Variants in PIK3CG observed in about 807,000 individuals in gnomAD.
PIK3CG encodes phosphatidylinositol-4,5-bisphosphate 3-kinase catalytic subunit gamma.
PIK3CG carries 55 observed loss-of-function variants against 102.3 expected under a neutral mutation model. The observed-to-expected ratio is 0.54, with a 90% CI of 0.43 to 0.67. PIK3CG has a LOEUF of 0.67. Among genes scored for constraint, PIK3CG ranks in the 30% least tolerant of loss-of-function variants. PIK3CG has a pLI of 0.00. For synonymous variants in PIK3CG, 552 were observed against 540.0 expected, an observed-to-expected ratio of 1.02 and a Z score of -0.31; for missense variants, 1,258 against 1,391.8, an observed-to-expected ratio of 0.90 and a Z score of 1.53.
At chr7:106,873,276 G>T (rs186237664) in intron 4 of PIK3CG, among the ~76,000 whole-genome samples, 2 of 152,132 alleles carry the variant, frequency 1.3e-5, no homozygotes, top group East Asian at 1.9e-4. Flanking sequence ...TGCACATACA[G>T]TTTTCAAGTT....
At position 106,890,999 on chromosome 7, in the gene PIK3CG, G is replaced by T. The variant is rs999834116; in HGVS notation, c.3030+4707G>T. On this transcript the variant is annotated intron_variant, in intron 10 of 10. Coordinates refer to ENST00000496166, the MANE Select transcript of PIK3CG (RefSeq NM_001282426.2). This position sits in a 1 kb window ranked among gnomAD's most constrained non-coding sequence, Gnocchi z 4.2. ...TACCCTTTGCCACAGTCCCCTGCCA[G>T]GTCCTTCATTGCATGTATCACAAAA... Among the ~76,000 whole-genome samples, 3 of 152,228 alleles carry T rather than the reference G, an allele frequency of 2.0e-5. No individual in the cohort carries two copies. The highest frequency in any genetic ancestry group is 2.9e-5 in the Non-Finnish European group (2 of 68,046).
Position 106,869,342 on chromosome 7 carries a change from G to T in PIK3CG, c.1781G>T (p.Ser594Ile), listed in dbSNP as rs1212528123. The change falls in exon 2 of 11, where the codon AGT becomes ATT. Residue 594 changes from serine to isoleucine, a missense_variant. Ser to Ile is a moderately radical substitution (Grantham distance 142). Transcript: ENST00000496166. The surrounding 1 kb of genome is among the most constrained non-coding windows in gnomAD (Gnocchi z 5.3). ...KHPKAYPKLF[S>I]SVKWGQQEIV... is the part of the protein sequence containing the mutation. ...CCAAAAGCATATCCTAAGCTATTTA[G>T]TTCAGTGAAATGGGGACAGCAAGAA... 5 of 1,614,254 alleles carry T rather than the reference G, an allele frequency of 3.1e-6. No homozygotes were observed. The highest frequency in any genetic ancestry group is 4.2e-6 in the Non-Finnish European group (5 of 1,180,042).
chr7:106,885,475 G>A (rs934577355), intron 9 of PIK3CG, among the ~76,000 whole-genome samples: 6 of 152,148 alleles, frequency 3.9e-5, no homozygotes, highest in African/African-American at 1.4e-4. Context: ...CATTTTAAGA[G>A]TAGAGTCTGG....
In PIK3CG at chr7:106,869,436, G is replaced by T. The variant is rs903994309; in HGVS notation, c.1875G>T (p.Gly625=). The change falls in exon 2 of 11, where the codon GGG becomes GGT. Residue 625 remains glycine, a synonymous_variant. Transcript: ENST00000496166. The surrounding 1 kb of genome is among the most constrained non-coding windows in gnomAD (Gnocchi z 5.3). ...GGGATCAAAGTGCTTTGGATGTTGG[G>T]TTAACAATGCAGCTCCTGGACTGCA... is the stretch of plus-strand genomic sequence containing the variant. ...EVWDQSALDV[G]LTMQLLDCNF... 1.6e-5 allele frequency: 26 copies of T among 1,614,094 alleles called. No homozygotes were observed. Among genetic ancestry groups the T allele is most frequent in the Non-Finnish European group, 2.2e-5 (26 of 1,180,038 alleles).
At chr7:106,882,737 T>A (rs1790976472) in intron 7 of PIK3CG, 1 of 256,118 alleles carries the variant, frequency 3.9e-6, no homozygotes, top group Non-Finnish European at 7.3e-6. Flanking sequence ...GATTGCCATC[T>A]GAGGAAGGAT....
chr7:106,865,549 G>A (rs1790249493), intron 1 of PIK3CG, 123 bp downstream of exon 1: 1 of 152,184 alleles, frequency 6.6e-6, no homozygotes, highest in Non-Finnish European at 1.5e-5. Context: ...CCGAATGTCT[G>A]TGTTTCATTG....
At chr7:106,873,847 T>C (rs1790627219) in intron 4 of PIK3CG, among the ~76,000 whole-genome samples, 2 of 152,194 alleles carry the variant, frequency 1.3e-5, no homozygotes, top group South Asian at 2.1e-4. Flanking sequence ...AATTAATCAC[T>C]CCTTCTCTGT....
chr7:106,882,978 T>C (rs1790987319), intron 7 of PIK3CG, 55 bp from the exon 8 acceptor site: 1 of 1,398,588 alleles, frequency 7.2e-7, no homozygotes, highest in South Asian at 1.2e-5. Context: ...CCTTTCCTCC[T>C]CTGGGCCAGG....
In PIK3CG at chr7:106,884,720, C is replaced by T. The variant is rs1791035685; in HGVS notation, c.2872+454C>T. On this transcript the variant is annotated intron_variant, in intron 9 of 10. Coordinates refer to ENST00000496166, the MANE Select transcript of PIK3CG (RefSeq NM_001282426.2). This position sits in a 1 kb window ranked among gnomAD's most constrained non-coding sequence, Gnocchi z 4.2. The stretch of plus-strand genomic sequence containing the variant: ...TATTGCACACTTTTTTTTCAACTCA[C>T]TTGCCACTATAAAGCCTGCCACCAG... Among the ~76,000 whole-genome samples the T allele has an allele frequency of 1.3e-5, 2 of 152,128 alleles. No homozygotes were observed. The highest frequency in any genetic ancestry group is 4.8e-5 in the African/African-American group (2 of 41,414).
chr7:106,896,909 T>C (rs1245499972), intron 10 of PIK3CG, among the ~76,000 whole-genome samples: 2 of 152,156 alleles, frequency 1.3e-5, no homozygotes, highest in African/African-American at 4.8e-5. Flanking sequence ...TCAATTATCA[T>C]TGCAGTTACC....
Position 106,869,625 on chromosome 7 carries a change from CCATT to C in PIK3CG, c.1995+72_1995+75del. 2.3e-6 allele frequency: 3 copies of C among 1,294,736 alleles called. No individual in the cohort carries two copies. The highest frequency in any genetic ancestry group is 2.5e-5 in the East Asian group (1 of 39,588). 80.2% of individuals were successfully genotyped at this position (1,294,736 alleles called of 1,614,324 possible). A position where few individuals can be genotyped will look rare whatever the true frequency, so the allele number is the denominator to read the frequency against. The stretch of plus-strand genomic sequence containing the variant: ...ATTGATTTGCATATGCACAGGCACT[CCATT>C]CAGTTGTCATCAAATGCCCTTTGTT... On this transcript the variant is annotated intron_variant, in intron 2 of 10. Transcript: ENST00000496166. The surrounding 1 kb of genome is among the most constrained non-coding windows in gnomAD (Gnocchi z 5.3).
In PIK3CG at chr7:106,879,484, T is replaced by C. The variant is rs1457858460; in HGVS notation, c.2392-35T>C. 1 of 1,577,286 alleles carries C rather than the reference T, an allele frequency of 6.3e-7. No homozygotes were observed. The highest frequency in any genetic ancestry group is 8.7e-7 in the Non-Finnish European group (1 of 1,147,340). ...CTCCACCATGTATATTCGTTATTCA[T>C]TGTGTGTGGGGAATATGTGACTGCT... On this transcript the variant is annotated intron_variant, in intron 5 of 10. Transcript: ENST00000496166. This position sits in a 1 kb window ranked among gnomAD's most constrained non-coding sequence, Gnocchi z 4.9.
chr7:106,872,466 C>T lies in PIK3CG; in HGVS notation c.1996-71C>T, dbSNP rs1201840027. ...CCAGTAAAGCAGAGCACCAGTTCTTCTCCATTTCCTTTTCCCTGATTCAAC... is the reference window on the plus strand; with the variant it reads ...CCAGTAAAGCAGAGCACCAGTTCTTTTCCATTTCCTTTTCCCTGATTCAAC... On this transcript the variant is annotated intron_variant, in intron 2 of 10. Transcript: ENST00000496166. The surrounding 1 kb of genome is among the most constrained non-coding windows in gnomAD (Gnocchi z 5.3). 1.7e-6 allele frequency: 2 copies of T among 1,197,656 alleles called. No individual in the cohort carries two copies. Among genetic ancestry groups the T allele is most frequent in the African/African-American group, 3.0e-5 (2 of 67,320 alleles). The allele number at this position is 1,197,656 out of a possible 1,614,324, so 74.2% of individuals were successfully genotyped here. A position where few individuals can be genotyped will look rare whatever the true frequency, so the allele number is the denominator to read the frequency against.
chr7:106,873,114 C>T (rs966121452), intron 4 of PIK3CG, among the ~76,000 whole-genome samples, 176 bp downstream of exon 4: 1 of 152,136 alleles, frequency 6.6e-6, no homozygotes, highest in African/African-American at 2.4e-5. Flanking sequence ...TCTCCTTTTA[C>T]AAGTTCATAA....
At chr7:106,887,829 G>A (rs1236361329) in intron 10 of PIK3CG, among the ~76,000 whole-genome samples, 8 of 151,904 alleles carry the variant, frequency 5.3e-5, no homozygotes, top group Admixed American at 3.9e-4. Flanking sequence ...TCCTGTCAGC[G>A]GGGTTCATCT....
rs1253537745 is a variant in PIK3CG, at chr7:106,908,574, G to A, written c.*3187G>A. Among the ~76,000 whole-genome samples, 2 of 152,184 alleles carry A rather than the reference G, an allele frequency of 1.3e-5. No individual in the cohort carries two copies. Among genetic ancestry groups the A allele is most frequent in the Admixed American group, 1.3e-4 (2 of 15,274 alleles). ...GACACTTTGATGAAAGTATGGAGAA[G>A]TGGAGACATTATAGATAAAATATAT... On this transcript the variant is annotated 3_prime_UTR_variant, in exon 11 of 11. Coordinates refer to ENST00000496166, the MANE Select transcript of PIK3CG (RefSeq NM_001282426.2). This position sits in a 1 kb window ranked among gnomAD's most constrained non-coding sequence, Gnocchi z 4.1.
chr7:106,906,990 A>G lies in PIK3CG; in HGVS notation c.*1603A>G, dbSNP rs1427021973. 9.2e-6 allele frequency: 2 copies of G among 216,566 alleles called. No homozygotes were observed. Among genetic ancestry groups the G allele is most frequent in the East Asian group, 1.4e-4 (2 of 14,754 alleles). The allele number at this position is 216,566 out of a possible 1,614,324, so 13.4% of individuals were successfully genotyped here. A position where few individuals can be genotyped will look rare whatever the true frequency, so the allele number is the denominator to read the frequency against. ...AAAAAAATTAGCTGGGTATAGTGGTATGTGCCTGTAGTCCCAGGTACTCAG... is the reference window on the plus strand; with the variant it reads ...AAAAAAATTAGCTGGGTATAGTGGTGTGTGCCTGTAGTCCCAGGTACTCAG... On this transcript the variant is annotated 3_prime_UTR_variant, in exon 11 of 11. Transcript: ENST00000496166.
In PIK3CG at chr7:106,877,343, C is replaced by G. The variant is rs903882246; in HGVS notation, c.2392-2176C>G. ...CTATTGGCATCTAGTGGGTAGAGGCCAGGGATGCTGCCAAATACCCTGCAG... is the reference window on the plus strand; with the variant it reads ...CTATTGGCATCTAGTGGGTAGAGGCGAGGGATGCTGCCAAATACCCTGCAG... On this transcript the variant is annotated intron_variant, in intron 5 of 10. Transcript: ENST00000496166. The surrounding 1 kb of genome is among the most constrained non-coding windows in gnomAD (Gnocchi z 4.5). Among the ~76,000 whole-genome samples, 27 of 152,142 alleles carry G rather than the reference C, an allele frequency of 1.8e-4. No homozygotes were observed. The highest frequency in any genetic ancestry group is 5.6e-4 in the African/African-American group (23 of 41,428).
In PIK3CG at chr7:106,902,672, G is replaced by A. The variant is rs550370778; in HGVS notation, c.3031-2437G>A. 1.3e-5 allele frequency among the ~76,000 whole-genome samples: 2 copies of A among 151,392 alleles called. No homozygotes were observed. Among genetic ancestry groups the A allele is most frequent in the African/African-American group, 2.4e-5 (1 of 41,248 alleles). ...TTTATGTCTTACAGTGTGAATTTTT[G>A]TTATGTTTTTGGCCTGTATTTCTGG... On this transcript the variant is annotated intron_variant, in intron 10 of 10. Transcript: ENST00000496166. This position sits in a 1 kb window ranked among gnomAD's most constrained non-coding sequence, Gnocchi z 4.3.
Sources: allele counts gnomAD v4.1 joint callset (sites outside exome capture counted in the v4.1 genomes callset), GRCh38; gene constraint gnomAD v4.1.1; non-coding constraint Gnocchi (gnomAD v3.1); transcripts MANE v1.5; gene names NCBI Gene and HGNC (gene_info 2026-07-23, HGNC 2026-07-21).